OSBPL3: variants seen among roughly 807,000 people sequenced by gnomAD.
OSBPL3 encodes oxysterol-binding protein-related protein 3.
OSBPL3 carries 65 observed loss-of-function variants against 120.1 expected under a neutral mutation model. The observed-to-expected ratio is 0.54, with a 90% CI of 0.44 to 0.67. The LOEUF is 0.67. Ranked by LOEUF, OSBPL3 falls within the 30% of genes least tolerant of loss-of-function variation. OSBPL3 has a pLI of 0.00. For missense variants in OSBPL3, 1,004 were observed against 1,082.1 expected (o/e 0.93, Z 1.01); for synonymous variants, 416 against 402.6 (o/e 1.03, Z -0.40).
chr7:24,866,481 T>G (rs1801334418), intron 5 of OSBPL3, among the ~76,000 whole-genome samples: 1 of 151,782 alleles, frequency 6.6e-6, no homozygotes, highest in Admixed American at 6.6e-5. Context: ...CTACAAAAAA[T>G]ACCAAAAAAA....
rs1584420276 is a variant in OSBPL3 at position 24,863,223 on chromosome 7, T to C, written c.847A>G (p.Lys283Glu). ...HRRWRSRAIG[K>E]DAKGTLQVPK... ...ACCTGCAGTGTTCCTTTAGCATCTT[T>C]GCCAATAGCTCTGGACCGCCACCTC... The change falls in exon 9 of 23, where the codon AAA (lysine) becomes GAA (glutamate). Residue 283 changes from lysine to glutamate, a missense_variant. Lys to Glu is a moderately conservative substitution (Grantham distance 56). This residue lies in a region of OSBPL3 where 272 missense variants were observed against 248.8 expected (regional missense o/e 1.09). Coordinates refer to ENST00000313367, the MANE Select transcript of OSBPL3 (RefSeq NM_015550.4). The surrounding 1 kb of genome is among the most constrained non-coding windows in gnomAD (Gnocchi z 5.8). 1.2e-6 allele frequency: 2 copies of C among 1,614,032 alleles called. No homozygotes were observed. The highest frequency in any genetic ancestry group is 2.2e-5 in the South Asian group (2 of 91,076).
rs1276519641 is a variant in OSBPL3, at chr7:24,952,337, A to AC, written c.-150+27548dup. Among the ~76,000 whole-genome samples, 1 of 152,232 alleles carries AC rather than the reference A, an allele frequency of 6.6e-6. No homozygotes were observed. The highest frequency in any genetic ancestry group is 2.4e-5 in the African/African-American group (1 of 41,462). On this transcript the variant is annotated intron_variant, in intron 1 of 22. Coordinates refer to ENST00000313367, the MANE Select transcript of OSBPL3 (RefSeq NM_015550.4). The surrounding 1 kb of genome is among the most constrained non-coding windows in gnomAD (Gnocchi z 4.4). Reference sequence around the variant, plus strand: ...TTTAAGGACAGAGAAACTGAGGCCCACAAGGCTCAAGTTTTGCCCAATGTC... The same window carrying AC: ...TTTAAGGACAGAGAAACTGAGGCCCACCAAGGCTCAAGTTTTGCCCAATGTC...
intron 16 of OSBPL3, among the ~76,000 whole-genome samples, chr7:24,826,435 G>A (rs547964882): frequency 1.3e-5 from 2 of 152,162 alleles, no homozygotes; most frequent in Non-Finnish European, 2.9e-5. Flanking sequence ...GAGAGATTTT[G>A]CATGGTGAGA....
chr7:24,979,967 A>C lies in OSBPL3; in HGVS notation c.-231T>G, dbSNP rs916306510. 16 of 982,620 alleles carry C rather than the reference A, an allele frequency of 1.6e-5. 1 individual carries two copies. In the African/African-American group the frequency reaches 2.5e-4, roughly 15 times the overall value. 60.9% of individuals were successfully genotyped at this position (982,620 alleles called of 1,614,324 possible). A position where few individuals can be genotyped will look rare whatever the true frequency, so the allele number is the denominator to read the frequency against. On this transcript the variant is annotated 5_prime_UTR_variant, in exon 1 of 23. Transcript: ENST00000313367. ...TAGCGCACAGAACCGGGAGAAGGCA[A>C]CCCCGGCTTCTCCGGTACCCCCGCA...
chr7:24,901,126 G>C lies in OSBPL3; in HGVS notation c.-149-8505C>G, dbSNP rs564022769. The stretch of plus-strand genomic sequence containing the variant: ...GGGCGGATCACGAGGTCAAGAGTTC[G>C]AGACAGCCTGGCCAACATAGAGAAA... On this transcript the variant is annotated intron_variant, in intron 1 of 22. Coordinates refer to ENST00000313367, the MANE Select transcript of OSBPL3 (RefSeq NM_015550.4). Among the ~76,000 whole-genome samples the C allele has an allele frequency of 2.0e-5, 3 of 151,762 alleles. No homozygotes were observed. In the South Asian group the frequency reaches 6.2e-4, roughly 32 times the overall value.
chr7:24,878,851 G>C (rs554883885), intron 2 of OSBPL3, among the ~76,000 whole-genome samples: 91 of 152,330 alleles, frequency 6.0e-4, no homozygotes, highest in African/African-American at 2.2e-3. Flanking sequence ...GTAGGTCTGG[G>C]GGAGGCCTGA....
At position 24,877,581 on chromosome 7, in the gene OSBPL3, A is replaced by G. The variant is rs1803023982; in HGVS notation, c.97-5512T>C. Among the ~76,000 whole-genome samples, 1 of 152,150 alleles carries G rather than the reference A, an allele frequency of 6.6e-6. No homozygotes were observed. Among genetic ancestry groups the G allele is most frequent in the Non-Finnish European group, 1.5e-5 (1 of 68,014 alleles). ...ATTACAATCCTACTACCTGGGAAAT[A>G]GGGGCCGAAATAAATGTTTACTGAA... is the stretch of plus-strand genomic sequence containing the variant. On this transcript the variant is annotated intron_variant, in intron 2 of 22. Coordinates refer to ENST00000313367, the MANE Select transcript of OSBPL3 (RefSeq NM_015550.4). The surrounding 1 kb of genome is among the most constrained non-coding windows in gnomAD (Gnocchi z 4.8).
At chr7:24,962,494 A>C (rs1441442512) in intron 1 of OSBPL3, among the ~76,000 whole-genome samples, 3 of 150,146 alleles carry the variant, frequency 2.0e-5, no homozygotes, top group Non-Finnish European at 4.4e-5. Context: ...AGCAGAGGAG[A>C]CGCTTGGCCC....
chr7:24,910,167 T>C (rs911088727), intron 1 of OSBPL3, among the ~76,000 whole-genome samples: 3 of 152,132 alleles, frequency 2.0e-5, no homozygotes, highest in Non-Finnish European at 2.9e-5. Context: ...TCCCAAATGC[T>C]CAAAATAGGA....
intron 1 of OSBPL3, among the ~76,000 whole-genome samples, chr7:24,917,212 C>T (rs982519550): frequency 3.3e-5 from 5 of 151,758 alleles, no homozygotes; most frequent in Non-Finnish European, 7.4e-5. Flanking sequence ...ATCCTCCTGC[C>T]TCTTCCTTGT....
At position 24,918,160 on chromosome 7, in the gene OSBPL3, G is replaced by T; in HGVS notation, c.-149-25539C>A. The T allele has an allele frequency of 1.4e-6, 1 of 692,660 alleles. No homozygotes were observed. Among genetic ancestry groups the T allele is most frequent in the Non-Finnish European group, 1.8e-6 (1 of 562,478 alleles). The allele number at this position is 692,660 out of a possible 1,614,324, so 42.9% of individuals were successfully genotyped here. On this transcript the variant is annotated intron_variant, in intron 1 of 22. Coordinates refer to ENST00000313367, the MANE Select transcript of OSBPL3 (RefSeq NM_015550.4). The surrounding 1 kb of genome is among the most constrained non-coding windows in gnomAD (Gnocchi z 4.3). ...GACACCTGGATACTCTTTGTTTACA[G>T]TTTCATGTACAGACCTGAGAGGTCA... is the stretch of plus-strand genomic sequence containing the variant.
At chr7:24,949,729 A>G (rs1317763596) in intron 1 of OSBPL3, among the ~76,000 whole-genome samples, 1 of 152,154 alleles carries the variant, frequency 6.6e-6, no homozygotes, top group Non-Finnish European at 1.5e-5. Context: ...GCGGAAGTAC[A>G]AATGGCCCAG....
Position 24,842,289 on chromosome 7 carries a change from G to C in OSBPL3, c.1391C>G (p.Ser464Ter). 1 of 1,613,130 alleles carries C rather than the reference G, an allele frequency of 6.2e-7. No homozygotes were observed. The highest frequency in any genetic ancestry group is 8.5e-7 in the Non-Finnish European group (1 of 1,179,840). Residue 464 changes from serine (S) to a stop codon, truncating the protein, a stop_gained, in exon 13 of 23, where the codon TCA becomes TGA. Transcript: ENST00000313367. LOFTEE classifies it high-confidence loss of function. The part of the protein sequence containing the change: ...AQEVLLSPSS[S>*]ENEISDDDSY... ...AAACATTGCTCAAACCTCGTTTTCT[G>C]AAGAGCTTGGAGATAACAGAACTTC...
Position 24,820,353 on chromosome 7 carries a change from A to C in OSBPL3, c.1885-115T>G. The C allele has an allele frequency of 1.4e-6, 1 of 719,040 alleles. No homozygotes were observed. The highest frequency in any genetic ancestry group is 2.4e-5 in the Admixed American group (1 of 41,798). 44.5% of individuals were successfully genotyped at this position (719,040 alleles called of 1,614,324 possible). On this transcript the variant is annotated intron_variant, in intron 16 of 22. Coordinates refer to ENST00000313367, the MANE Select transcript of OSBPL3 (RefSeq NM_015550.4). This position sits in a 1 kb window ranked among gnomAD's most constrained non-coding sequence, Gnocchi z 4.6. ...CAGCGTGCAATGCTGAACTGAAGGAAAAACTTCTTTAGTTTCCCTCATCAA... is the reference window on the plus strand; with the variant it reads ...CAGCGTGCAATGCTGAACTGAAGGACAAACTTCTTTAGTTTCCCTCATCAA...
intron 7 of OSBPL3, among the ~76,000 whole-genome samples, chr7:24,864,779 G>A (rs946238168): frequency 5.3e-5 from 8 of 152,194 alleles, no homozygotes; most frequent in Non-Finnish European, 8.8e-5. Context: ...AATTAAGGTT[G>A]AGAATGCTGA....
rs746305929 is a variant in OSBPL3 at position 24,863,309 on chromosome 7, G to T, written c.778-17C>A. 6.9e-6 allele frequency: 11 copies of T among 1,603,422 alleles called. No individual in the cohort carries two copies. The highest frequency in any genetic ancestry group is 8.5e-6 in the Non-Finnish European group (10 of 1,170,430). On this transcript the variant is annotated splice_polypyrimidine_tract_variant and intron_variant, in intron 8 of 22. Transcript: ENST00000313367. The surrounding 1 kb of genome is among the most constrained non-coding windows in gnomAD (Gnocchi z 5.8). The stretch of plus-strand genomic sequence containing the variant: ...AGATCCACCCTTTGTTTCAAAACAG[G>T]AAAGAGAGCACAGACAGTAAAGTCC...
At chr7:24,870,889 A>T (rs1451758362) in intron 4 of OSBPL3, 44 bp from the exon 5 acceptor site, 1 of 1,250,770 alleles carries the variant, frequency 8.0e-7, no homozygotes, top group South Asian at 1.2e-5. Context: ...ATGGTGTTAG[A>T]AGCAGTAGTC....
chr7:24,846,052 T>C (rs1441504205), intron 12 of OSBPL3, among the ~76,000 whole-genome samples: 1 of 152,206 alleles, frequency 6.6e-6, no homozygotes, highest in Admixed American at 6.5e-5. Flanking sequence ...ATTTATTGAA[T>C]AATCCACCCC....
chr7:24,858,642 C>T (rs960100486), intron 10 of OSBPL3, among the ~76,000 whole-genome samples: 2 of 152,352 alleles, frequency 1.3e-5, no homozygotes, highest in Middle Eastern at 3.4e-3. Context: ...TGCATTGGAC[C>T]TTTCTCCAGG....
Sources: gnomAD v4.1 joint callset for allele counts (sites outside exome capture counted in the v4.1 genomes callset) on GRCh38, gnomAD v4.1.1 for gene constraint, gnomAD v4.1.1 regional missense constraint, Gnocchi (gnomAD v3.1) non-coding constraint, MANE v1.5 for transcripts, NCBI Gene and HGNC (gene_info 2026-07-23, HGNC 2026-07-21) for gene names.